The following ZFHX3 variants were observed in gnomAD, a reference collection of about 807,000 sequenced individuals.
ZFHX3 encodes zinc finger homeobox 3.
A neutral mutation model predicts 279.1 loss-of-function variants in ZFHX3; 42 were observed. That is an observed-to-expected ratio of 0.15 (90% CI 0.12 to 0.19). ZFHX3 has a LOEUF of 0.19. Ranked by LOEUF, ZFHX3 falls within the 10% of genes least tolerant of loss-of-function variation. The pLI is 1.00. For missense variants in ZFHX3, 4,981 were observed against 4,754.0 expected (o/e 1.05, Z -1.40); for synonymous variants, 2,293 against 1,957.8 (o/e 1.17, Z -4.52).
intron 4 of ZFHX3, among the ~76,000 whole-genome samples, chr16:72,838,720 A>G (rs1411282150): frequency 6.6e-6 from 1 of 152,128 alleles, no homozygotes; most frequent in Non-Finnish European, 1.5e-5. Context: ...AAGAGAGGAG[A>G]AAAAGGGAGG....
intron 1 of ZFHX3, among the ~76,000 whole-genome samples, chr16:73,716,180 G>T (rs2053412579): frequency 3.3e-5 from 5 of 151,782 alleles, no homozygotes; most frequent in Admixed American, 3.3e-4. Context: ...TTCTTTTGCA[G>T]TTTAGGGGAG....
intron 5 of ZFHX3, among the ~76,000 whole-genome samples, chr16:73,196,508 G>C (rs998786812): frequency 2.6e-5 from 4 of 151,658 alleles, no homozygotes; most frequent in Admixed American, 2.0e-4. Flanking sequence ...TGAAAACATA[G>C]AGTTGAGAAA....
chr16:73,730,093 C>T (rs1383132339), intron 1 of ZFHX3, among the ~76,000 whole-genome samples: 1 of 152,126 alleles, frequency 6.6e-6, no homozygotes, highest in Non-Finnish European at 1.5e-5. Flanking sequence ...AGAAGGCTGA[C>T]TCTTCTACAT....
chr16:72,788,103 CACTTTTTGCTGCTGCTGCTGCTGT>C lies in ZFHX3; in HGVS notation c.10149_10172del (p.Gln3388_Gln3395del). ...GGCTTGCTTTGGGCTGCTGCTGCTG[CACTTTTTGCTGCTGCTGCTGCTGT>C]AGTTGCCGCTGCTGCTGCTGCTGAA... is the stretch of plus-strand genomic sequence containing the variant. On this transcript the variant is annotated inframe_deletion, in exon 10 of 10. Transcript: ENST00000268489. 6.2e-7 allele frequency: 1 copy of C among 1,608,500 alleles called. No individual in the cohort carries two copies. Among genetic ancestry groups the C allele is most frequent in the Non-Finnish European group, 8.5e-7 (1 of 1,176,832 alleles).
rs112165103 is a variant in ZFHX3, at chr16:73,801,142, G to A, written c.-1608+90509C>T. 3.4e-3 allele frequency among the ~76,000 whole-genome samples: 511 copies of A among 152,254 alleles called. 8 individuals are homozygous for A. Among genetic ancestry groups the A allele is most frequent in the African/African-American group, 0.012 (485 of 41,546 alleles). On this transcript the variant is annotated intron_variant, in intron 1 of 17. Transcript: ENST00000641206. ...ATTTGTACTTATATTCAATTATATA[G>A]CATATGTTTTTAGTGGAATTGTTAA...
intron 2 of ZFHX3, among the ~76,000 whole-genome samples, chr16:73,550,018 G>C (rs946468073): frequency 6.6e-6 from 1 of 151,824 alleles, no homozygotes; most frequent in Non-Finnish European, 1.5e-5. Context: ...TTTTCAAGCT[G>C]TTCAGACGGG....
At chr16:73,465,596 G>A (rs1367670410) in intron 2 of ZFHX3, among the ~76,000 whole-genome samples, 1 of 152,094 alleles carries the variant, frequency 6.6e-6, no homozygotes, top group Admixed American at 6.5e-5. Context: ...AAGCTGCCCT[G>A]CCCAGTCCTG....
At chr16:73,270,386 C>T (rs1232393727) in intron 4 of ZFHX3, among the ~76,000 whole-genome samples, 1 of 152,200 alleles carries the variant, frequency 6.6e-6, no homozygotes, top group African/African-American at 2.4e-5. Flanking sequence ...ATAGCCACGA[C>T]CACTGATGTG....
intron 5 of ZFHX3, among the ~76,000 whole-genome samples, chr16:73,254,537 G>C (rs1308260637): frequency 6.6e-6 from 1 of 151,910 alleles, no homozygotes; most frequent in Non-Finnish European, 1.5e-5. Context: ...AATAATGATA[G>C]ATTCACAGGA....
At chr16:73,045,379 T>C (rs1965256341) in intron 1 of ZFHX3, among the ~76,000 whole-genome samples, 1 of 152,176 alleles carries the variant, frequency 6.6e-6, no homozygotes, top group African/African-American at 2.4e-5. Flanking sequence ...TGATGAAAAC[T>C]AAATCTCGCT....
intron 2 of ZFHX3, among the ~76,000 whole-genome samples, chr16:73,672,689 G>C (rs1158861270): frequency 6.6e-6 from 1 of 151,876 alleles, no homozygotes; most frequent in African/African-American, 2.4e-5. Flanking sequence ...AAGGCACATA[G>C]GATCAACACT....
intron 2 of ZFHX3, among the ~76,000 whole-genome samples, chr16:73,668,928 A>G (rs867728994): frequency 7.9e-5 from 12 of 152,210 alleles, no homozygotes; most frequent in African/African-American, 2.9e-4. Context: ...ATATGGAGAA[A>G]TAGGAATACT....
intron 5 of ZFHX3, among the ~76,000 whole-genome samples, chr16:73,158,136 C>T (rs1967139675): frequency 6.6e-6 from 1 of 152,316 alleles, no homozygotes; most frequent in East Asian, 1.9e-4. Context: ...TGGGACACTG[C>T]AGGTCTGCAT....
chr16:72,969,753 C>T (rs1350874288), intron 1 of ZFHX3, among the ~76,000 whole-genome samples: 1 of 152,182 alleles, frequency 6.6e-6, no homozygotes, highest in Non-Finnish European at 1.5e-5. Context: ...AAGAACCATA[C>T]CCAGTTCCCT....
At chr16:73,569,469 C>T (rs531917420) in intron 2 of ZFHX3, among the ~76,000 whole-genome samples, 2 of 151,624 alleles carry the variant, frequency 1.3e-5, no homozygotes, top group South Asian at 2.1e-4. Context: ...CTGAAATCAG[C>T]ATTTCCTTTG....
intron 1 of ZFHX3, among the ~76,000 whole-genome samples, chr16:73,009,819 G>A (rs927284245): frequency 4.6e-5 from 7 of 151,994 alleles, no homozygotes; most frequent in Non-Finnish European, 8.8e-5. Flanking sequence ...TCAGGAGTTC[G>A]AGACAAGCCT....
intron 4 of ZFHX3, among the ~76,000 whole-genome samples, chr16:73,271,761 C>T (rs752164457): frequency 3.3e-5 from 5 of 152,166 alleles, no homozygotes; most frequent in Non-Finnish European, 4.4e-5. Flanking sequence ...TCTTCTGGTC[C>T]ACCCTATGCC....
At chr16:73,788,279 G>C (rs1959715547) in intron 1 of ZFHX3, among the ~76,000 whole-genome samples, 1 of 152,192 alleles carries the variant, frequency 6.6e-6, no homozygotes, top group Non-Finnish European at 1.5e-5. Context: ...ACAAACCAAA[G>C]TAGAAACTAA....
intron 8 of ZFHX3, among the ~76,000 whole-genome samples, chr16:73,065,083 C>A (rs1965729773): frequency 6.6e-6 from 1 of 152,254 alleles, no homozygotes; most frequent in South Asian, 2.1e-4. Context: ...GTAGAGACTT[C>A]TTGCTTGCCA....
Sources: allele counts gnomAD v4.1 joint callset (sites outside exome capture counted in the v4.1 genomes callset), GRCh38; gene constraint gnomAD v4.1.1; transcripts MANE v1.5; gene names NCBI Gene and HGNC (gene_info 2026-07-23, HGNC 2026-07-21).